Variants in ESPN observed in about 807,000 individuals in gnomAD.
The protein encoded by ESPN is autosomal recessive deafness type 36 protein.
A neutral mutation model predicts 77.7 loss-of-function variants in ESPN; 68 were observed. The observed-to-expected ratio is 0.87, with a 90% CI of 0.72 to 1.07. The LOEUF (loss-of-function observed/expected upper bound fraction) is 1.07, where lower values mean the gene tolerates loss of function less well. Among genes scored for constraint, ESPN ranks in the 50% least tolerant of loss-of-function variants. The pLI is 0.00. For synonymous variants in ESPN, 449 were observed against 567.1 expected (o/e 0.79, Z 2.96); for missense variants, 1,060 against 1,239.0 (o/e 0.86, Z 2.17).
chr1:6,435,846 A>G (rs1643417600), intron 2 of ESPN, among the ~76,000 whole-genome samples: 1 of 152,250 alleles, frequency 6.6e-6, no homozygotes, highest in Admixed American at 6.5e-5. Context: ...ACCAGGCACC[A>G]GGCCTGTGCT....
chr1:6,460,260 C>T lies in ESPN; in HGVS notation c.*114C>T. 1.5e-6 allele frequency: 2 copies of T among 1,369,116 alleles called. No individual in the cohort carries two copies. The highest frequency in any genetic ancestry group is 2.0e-6 in the Non-Finnish European group (2 of 1,006,286). The allele number at this position is 1,369,116 out of a possible 1,614,324, so 84.8% of individuals were successfully genotyped here. On this transcript the variant is annotated 3_prime_UTR_variant, in exon 13 of 13. Transcript: ENST00000645284. The stretch of plus-strand genomic sequence containing the variant: ...AGCCGCACAGCCCTCCCCTCCTGCG[C>T]TGGAAACCCTCCCTGACCCCCACCC...
At chr1:6,445,502 G>A in intron 6 of ESPN, 162 bp from the exon 7 acceptor site, 1 of 778,630 alleles carries the variant, frequency 1.3e-6, no homozygotes, top group Non-Finnish European at 2.2e-6. Context: ...GGGCCAGGGA[G>A]GGGAAGCCCA....
At chr1:6,455,917 G>A in intron 10 of ESPN, 1 of 398,932 alleles carries the variant, frequency 2.5e-6, no homozygotes, top group Non-Finnish European at 4.4e-6. Flanking sequence ...GAAGAGGAGG[G>A]GAAAGAACAG....
At chr1:6,457,630 TTGTC>T (rs1315425678) in intron 12 of ESPN, among the ~76,000 whole-genome samples, 6 of 152,186 alleles carry the variant, frequency 3.9e-5, no homozygotes, top group African/African-American at 4.8e-5. Context: ...ATCACCTTGA[TTGTC>T]TGGCCCTCAG....
At chr1:6,455,712 C>A (rs1419861625) in intron 10 of ESPN, 1 of 399,002 alleles carries the variant, frequency 2.5e-6, no homozygotes, top group African/African-American at 2.1e-5. Flanking sequence ...GTTCCGCCAC[C>A]TACTGTGCTA....
chr1:6,440,433 T>C lies in ESPN; in HGVS notation c.668T>C (p.Val223Ala). 6.4e-7 allele frequency: 1 copy of C among 1,561,070 alleles called. No individual in the cohort carries two copies. Residue 223 changes from valine (V) to alanine (A), a missense_variant, in exon 3 of 13, where the codon GTG (valine) becomes GCG (alanine). Val to Ala is a moderately conservative substitution (Grantham distance 64). Transcript: ENST00000645284. ...CAGATGGGCCACAGCCCAGTCATCGTGTGGTTGGTGAGCTCCGGGCCCGGG... is the reference window on the plus strand; with the variant it reads ...CAGATGGGCCACAGCCCAGTCATCGCGTGGTTGGTGAGCTCCGGGCCCGGG... Reference protein sequence around the residue: ...AAQMGHSPVIVWLVSCTDVSL... With the variant: ...AAQMGHSPVIAWLVSCTDVSL...
chr1:6,444,642 C>T lies in ESPN; in HGVS notation c.1152C>T (p.Ser384=), dbSNP rs1643762642. 6.2e-7 allele frequency: 1 copy of T among 1,614,212 alleles called. No individual in the cohort carries two copies. The highest frequency in any genetic ancestry group is 1.7e-5 in the Admixed American group (1 of 60,028). The part of the protein sequence containing the change: ...TSTLSNYDSC[S]SSHSSIKGQH... ...CCCTCTCCAACTACGACTCCTGCTC[C>T]TCCAGCCACTCCAGCATCAAGGGCC... is the stretch of plus-strand genomic sequence containing the variant. The change falls in exon 6 of 13, where the codon TCC becomes TCT. Residue 384 remains serine (S), a synonymous_variant. Transcript: ENST00000645284.
chr1:6,440,601 C>CCCACAG, intron 3 of ESPN, 25 bp from the exon 4 acceptor site: 3 of 1,253,548 alleles, frequency 2.4e-6, no homozygotes, highest in Non-Finnish European at 2.2e-6. Flanking sequence ...GCCCCCGCCC[C>CCCACAG]CCTCTCCCCG....
rs969791327 is a variant in ESPN, at chr1:6,460,189, C to T, written c.*43C>T. 10 of 1,594,770 alleles carry T rather than the reference C, an allele frequency of 6.3e-6. No individual in the cohort carries two copies. In the African/African-American group the frequency reaches 1.1e-4, roughly 17 times the overall value. On this transcript the variant is annotated 3_prime_UTR_variant, in exon 13 of 13. Coordinates refer to ENST00000645284, the MANE Select transcript of ESPN (RefSeq NM_031475.3). ...CCGCAGCCTCGCAGCTCCGTGGGGC[C>T]CTCCGCCCCAGCCCCAGCCAGCCAG...
intron 2 of ESPN, among the ~76,000 whole-genome samples, chr1:6,429,654 A>C (rs397833152): frequency 1.3e-5 from 2 of 152,180 alleles, no homozygotes; most frequent in Non-Finnish European, 2.9e-5. Context: ...CGCTGAGCCC[A>C]CCTTCTGCAA....
Position 6,457,283 on chromosome 1 carries a change from G to A in ESPN, c.2405+20G>A. 1 of 1,614,162 alleles carries A rather than the reference G, an allele frequency of 6.2e-7. No homozygotes were observed. Among genetic ancestry groups the A allele is most frequent in the Non-Finnish European group, 8.5e-7 (1 of 1,179,948 alleles). On this transcript the variant is annotated intron_variant, in intron 11 of 12. Coordinates refer to ENST00000645284, the MANE Select transcript of ESPN (RefSeq NM_031475.3). ...AGAGAGGTGAGCTGGGGGTCAGGCA[G>A]AGGCTGGCCTGGCAGGGTGTCTTGA...
intron 2 of ESPN, among the ~76,000 whole-genome samples, chr1:6,431,478 G>A (rs542631353): frequency 5.9e-5 from 9 of 151,944 alleles, no homozygotes; most frequent in Non-Finnish European, 7.4e-5. Flanking sequence ...GCATGTGGCC[G>A]GGCTATGCCT....
At chr1:6,445,504 G>A (rs997742511) in intron 6 of ESPN, 160 bp from the exon 7 acceptor site, 5 of 790,434 alleles carry the variant, frequency 6.3e-6, no homozygotes, top group East Asian at 5.3e-5. Flanking sequence ...GCCAGGGAGG[G>A]GAAGCCCAGC....
rs972673766 is a variant in ESPN at position 6,448,857 on chromosome 1, C to G, written c.1681C>G (p.Arg561Gly). 7.9e-7 allele frequency: 1 copy of G among 1,261,694 alleles called. No homozygotes were observed. The highest frequency in any genetic ancestry group is 3.4e-5 in the East Asian group (1 of 29,848). 78.2% of individuals were successfully genotyped at this position (1,261,694 alleles called of 1,614,324 possible). ...AGCPRLGPAA[R>G]GSLEGPSAPP... ...CTGCCCGCGCCTCGGCCCTGCCGCCCGCGGCTCACTCGAAGGCCCCTCCGC... is the reference window on the plus strand; with the variant it reads ...CTGCCCGCGCCTCGGCCCTGCCGCCGGCGGCTCACTCGAAGGCCCCTCCGC... The change falls in exon 8 of 13, where the codon CGC (arginine) becomes GGC (glycine). Residue 561 changes from arginine to glycine, a missense_variant. Physicochemically the swap from Arg to Gly is moderately radical, Grantham distance 125 (BLOSUM62 -2). Around this residue, in one of 3 missense-constraint regions of ESPN, gnomAD observed 130 missense variants for 223.9 expected, o/e 0.58. Coordinates refer to ENST00000645284, the MANE Select transcript of ESPN (RefSeq NM_031475.3).
chr1:6,427,964 C>T lies in ESPN; in HGVS notation c.295-262C>T, dbSNP rs1557692236. Among the ~76,000 whole-genome samples, 1 of 151,934 alleles carries T rather than the reference C, an allele frequency of 6.6e-6. No homozygotes were observed. Among genetic ancestry groups the T allele is most frequent in the Non-Finnish European group, 1.5e-5 (1 of 67,934 alleles). On this transcript the variant is annotated intron_variant, in intron 1 of 12. Transcript: ENST00000645284. The surrounding 1 kb of genome is among the most constrained non-coding windows in gnomAD (Gnocchi z 4.6). ...GTAGGCAGCTCGCAGTCAGGACCTG[C>T]AGCCTCTGAAAACCCTGCACGGTGC...
chr1:6,455,984 C>G (rs1420219543), intron 10 of ESPN: 2 of 398,480 alleles, frequency 5.0e-6, no homozygotes, highest in Non-Finnish European at 4.4e-6. Context: ...AGGGGCAGCC[C>G]GAGGCCCTGG....
In ESPN at chr1:6,440,286, C is replaced by T; in HGVS notation, c.521C>T (p.Thr174Met). The change falls in exon 3 of 13, where the codon ACG becomes ATG. Residue 174 changes from threonine (T) to methionine (M), a missense_variant. Physicochemically the swap from Thr to Met is moderately conservative, Grantham distance 81. Transcript: ENST00000645284. ...AATGCCCAAACCAAGAACGGTGCCACGCCCCTGTACCTGGCGTGCCAGGAG... is the reference window on the plus strand; with the variant it reads ...AATGCCCAAACCAAGAACGGTGCCATGCCCCTGTACCTGGCGTGCCAGGAG... ...GVNAQTKNGA[T>M]PLYLACQEGH... 1 of 1,551,946 alleles carries T rather than the reference C, an allele frequency of 6.4e-7. No homozygotes were observed. Among genetic ancestry groups the T allele is most frequent in the Non-Finnish European group, 8.7e-7 (1 of 1,147,878 alleles).
rs768679881 is a variant in ESPN at position 6,425,196 on chromosome 1, G to A, written c.241G>A (p.Gly81Ser). 1.9e-6 allele frequency: 3 copies of A among 1,545,052 alleles called. No individual in the cohort carries two copies. Among genetic ancestry groups the A allele is most frequent in the Middle Eastern group, 2.3e-4 (1 of 4,414 alleles). ...ACCGGCCCACGACGCCTCCGCCACC[G>A]GCCACCTCGCCTGCCTGCAGTGGCT... ...ATPAHDASAT[G>S]HLACLQWLLS... The change falls in exon 1 of 13, where the codon GGC becomes AGC. Residue 81 changes from glycine (G) to serine (S), a missense_variant. Physicochemically the swap from Gly to Ser is moderately conservative, Grantham distance 56 (BLOSUM62 0). Coordinates refer to ENST00000645284, the MANE Select transcript of ESPN (RefSeq NM_031475.3).
chr1:6,443,534 C>A (rs2148523903), intron 5 of ESPN, among the ~76,000 whole-genome samples: 1 of 152,378 alleles, frequency 6.6e-6, no homozygotes, highest in East Asian at 1.9e-4. Flanking sequence ...CTGCGGTAGG[C>A]AGCAGGGCCT....
Sources: allele counts gnomAD v4.1 joint callset (sites outside exome capture counted in the v4.1 genomes callset), GRCh38; gene constraint gnomAD v4.1.1; regional missense constraint gnomAD v4.1.1; non-coding constraint Gnocchi (gnomAD v3.1); transcripts MANE v1.5; gene names NCBI Gene and HGNC (gene_info 2026-07-23, HGNC 2026-07-21).